Variants in TAX1BP1 observed in about 807,000 individuals in gnomAD.
The protein encoded by TAX1BP1 is tax1-binding protein 1.
Under a neutral mutation model 97.7 loss-of-function variants are expected in TAX1BP1, and 62 were observed. The ratio of observed to expected loss-of-function variants is 0.63; its 90% CI spans 0.52 to 0.78. The LOEUF is 0.78. Among genes scored for constraint, TAX1BP1 ranks in the 30% least tolerant of loss-of-function variants. The pLI is 0.00. For missense variants in TAX1BP1, 867 were observed against 916.1 expected (o/e 0.95, Z 0.69); for synonymous variants, 340 against 304.2 (o/e 1.12, Z -1.23).
At chr7:27,817,145 T>G in intron 15 of TAX1BP1, 107 bp downstream of exon 15, 1 of 1,327,490 alleles carries the variant, frequency 7.5e-7, no homozygotes. Flanking sequence ...TGCATGCGTG[T>G]GTGTGGAAGG....
At chr7:27,792,974 A>G (rs1789777418) in intron 9 of TAX1BP1, 92 bp from the exon 10 acceptor site, 9 of 1,250,074 alleles carry the variant, frequency 7.2e-6, no homozygotes, top group African/African-American at 1.6e-5. Context: ...AAACAAAAAA[A>G]AGAAAAAAAG....
chr7:27,785,851 C>T (rs896605139), intron 7 of TAX1BP1, among the ~76,000 whole-genome samples: 5 of 152,126 alleles, frequency 3.3e-5, no homozygotes, highest in African/African-American at 1.2e-4. Flanking sequence ...TGTATATCAC[C>T]CCTAAAAGTT....
chr7:27,794,771 T>C (rs963983897), intron 11 of TAX1BP1, among the ~76,000 whole-genome samples: 1 of 152,244 alleles, frequency 6.6e-6, no homozygotes, highest in African/African-American at 2.4e-5. Flanking sequence ...TTTTACTTTA[T>C]GTTCCATTAA....
intron 5 of TAX1BP1, among the ~76,000 whole-genome samples, chr7:27,777,480 A>G (rs1482403964): frequency 2.0e-5 from 3 of 152,190 alleles, no homozygotes; most frequent in African/African-American, 7.2e-5. Flanking sequence ...TGGTAGGAAT[A>G]ACCACTATTC....
intron 13 of TAX1BP1, among the ~76,000 whole-genome samples, chr7:27,805,834 T>TCAACAA (rs201652935): frequency 2.6e-5 from 4 of 151,704 alleles, no homozygotes; most frequent in Admixed American, 6.6e-5. Flanking sequence ...AGACTCTGTA[T>TCAACAA]CAACAACAAC....
At chr7:27,793,347 A>G (rs1789792075) in intron 10 of TAX1BP1, 135 bp downstream of exon 10, 1 of 809,324 alleles carries the variant, frequency 1.2e-6, no homozygotes, top group South Asian at 2.5e-5. Flanking sequence ...TTGGCCAAAT[A>G]TTGTAATAAC....
At chr7:27,785,050 A>G in intron 5 of TAX1BP1, 113 bp from the exon 6 acceptor site, 1 of 1,098,928 alleles carries the variant, frequency 9.1e-7, no homozygotes, top group Non-Finnish European at 1.3e-6. Flanking sequence ...ATTTGGAGGG[A>G]ACAAATGTGG....
chr7:27,810,614 A>G (rs1315263182), intron 13 of TAX1BP1, among the ~76,000 whole-genome samples: 1 of 152,172 alleles, frequency 6.6e-6, no homozygotes, highest in African/African-American at 2.4e-5. Flanking sequence ...TGTAAATTGT[A>G]TGACAGATTT....
chr7:27,814,189 TA>T (rs956290559), intron 13 of TAX1BP1, among the ~76,000 whole-genome samples: 8 of 152,056 alleles, frequency 5.3e-5, no homozygotes, highest in Admixed American at 5.2e-4. Context: ...AGTCTTGAAT[TA>T]CTACAGTAGC....
At chr7:27,785,123 T>A (rs757655178) in intron 5 of TAX1BP1, 40 bp from the exon 6 acceptor site, 1 of 1,565,504 alleles carries the variant, frequency 6.4e-7, no homozygotes, top group Non-Finnish European at 8.6e-7. Flanking sequence ...ACTGATTATG[T>A]TTCTGTGTTT....
intron 5 of TAX1BP1, among the ~76,000 whole-genome samples, chr7:27,782,473 C>T (rs543390065): frequency 2.8e-4 from 42 of 152,130 alleles, no homozygotes; most frequent in Non-Finnish European, 5.6e-4. Context: ...AGGTCTTGAA[C>T]TACTGACCTC....
intron 13 of TAX1BP1, among the ~76,000 whole-genome samples, chr7:27,804,490 C>G (rs972542165): frequency 3.3e-5 from 5 of 152,236 alleles, no homozygotes; most frequent in Admixed American, 2.6e-4. Flanking sequence ...CTGATACTAA[C>G]TACCATGAGT....
At chr7:27,792,395 A>G (rs1789752515) in intron 9 of TAX1BP1, among the ~76,000 whole-genome samples, 165 bp downstream of exon 9, 1 of 152,142 alleles carries the variant, frequency 6.6e-6, no homozygotes, top group Admixed American at 6.5e-5. Flanking sequence ...GCTTACAGTT[A>G]ATGTGTGCTG....
At position 27,772,847 on chromosome 7, in the gene TAX1BP1, GAAAC is replaced by G. The variant is rs1017482206; in HGVS notation, c.612+3016_612+3019del. Reference sequence around the variant, plus strand: ...AAACAAGATAATGTTTATAAATTGAGAAACAATAAATTACATATTGTATTTCCCC... The same window carrying G: ...AAACAAGATAATGTTTATAAATTGAGAATAAATTACATATTGTATTTCCCC... On this transcript the variant is annotated intron_variant, in intron 5 of 16. Coordinates refer to ENST00000396319, the MANE Select transcript of TAX1BP1 (RefSeq NM_006024.7). Among the ~76,000 whole-genome samples, 23 of 152,048 alleles carry G rather than the reference GAAAC, an allele frequency of 1.5e-4. No homozygotes were observed. The East Asian group carries it at 3.9e-3, about 26-fold the overall frequency.
intron 13 of TAX1BP1, among the ~76,000 whole-genome samples, chr7:27,801,654 C>T (rs958960315): frequency 1.3e-5 from 2 of 152,058 alleles, no homozygotes; most frequent in Non-Finnish European, 2.9e-5. Context: ...GTAGTATGCA[C>T]AAAATTTTCA....
intron 3 of TAX1BP1, among the ~76,000 whole-genome samples, chr7:27,760,811 T>C (rs1403289413): frequency 6.6e-6 from 1 of 152,222 alleles, no homozygotes; most frequent in Middle Eastern, 3.2e-3. Context: ...CACATAGCTT[T>C]GGTATAGTGA....
chr7:27,816,825 C>A (rs1790784888), intron 14 of TAX1BP1, 65 bp from the exon 15 acceptor site: 1 of 1,562,142 alleles, frequency 6.4e-7, no homozygotes, highest in Non-Finnish European at 8.7e-7. Flanking sequence ...TTCATCATAT[C>A]TGTATATACA....
intron 10 of TAX1BP1, among the ~76,000 whole-genome samples, chr7:27,794,084 T>C (rs900584810): frequency 1.4e-5 from 2 of 145,506 alleles, no homozygotes; most frequent in Non-Finnish European, 2.9e-5. Context: ...TTTGGTGGTC[T>C]TTTGATGAGT....
chr7:27,773,215 T>A (rs2128313328), intron 5 of TAX1BP1, among the ~76,000 whole-genome samples: 1 of 152,244 alleles, frequency 6.6e-6, no homozygotes, highest in Non-Finnish European at 1.5e-5. Flanking sequence ...CAGTCCGTGC[T>A]TTTAACCACT....
Sources: allele counts gnomAD v4.1 joint callset (sites outside exome capture counted in the v4.1 genomes callset), GRCh38; gene constraint gnomAD v4.1.1; transcripts MANE v1.5; gene names NCBI Gene and HGNC (gene_info 2026-07-23, HGNC 2026-07-21).